The following KHDRBS2 variants were observed in gnomAD, a reference collection of about 807,000 sequenced individuals.
KHDRBS2 encodes KH domain-containing, RNA-binding, signal transduction-associated protein 2.
A neutral mutation model predicts 44.3 loss-of-function variants in KHDRBS2; 26 were observed. The ratio of observed to expected loss-of-function variants is 0.59; its 90% CI spans 0.43 to 0.81. KHDRBS2 has a LOEUF of 0.81. KHDRBS2 is among the 40% of genes least tolerant of loss of function. The probability of loss-of-function intolerance (pLI) is 0.00; values close to 1 mark genes in which losing one functional copy is unlikely to be tolerated. For missense variants in KHDRBS2, 476 were observed against 433.1 expected (o/e 1.10, Z -0.88); for synonymous variants, 194 against 151.1 (o/e 1.28, Z -2.08).
the KHDRBS2 span, among the ~76,000 whole-genome samples, chr6:61,597,753 TATATAC>T: frequency 0.011 from 584 of 54,058 alleles, 20 homozygotes; most frequent in Middle Eastern, 0.035. Context: ...TATATATATA[TATATAC>T]ATATATATAT....
intron 2 of KHDRBS2, among the ~76,000 whole-genome samples, chr6:62,168,849 T>C (rs1430167736): frequency 6.6e-6 from 1 of 151,602 alleles, no homozygotes; most frequent in Non-Finnish European, 1.5e-5. Context: ...CATTCACACA[T>C]GTACAGACAA....
At chr6:62,064,705 C>T (rs1304499266) in intron 2 of KHDRBS2, among the ~76,000 whole-genome samples, 1 of 152,002 alleles carries the variant, frequency 6.6e-6, no homozygotes, top group Non-Finnish European at 1.5e-5. Context: ...CATTACCATT[C>T]AGGTCACAGG....
intron 2 of KHDRBS2, among the ~76,000 whole-genome samples, chr6:62,067,473 C>T (rs937652035): frequency 1.3e-5 from 2 of 151,490 alleles, no homozygotes; most frequent in Non-Finnish European, 3.0e-5. Context: ...CTTCATTGTA[C>T]TGAGTGTACA....
intron 6 of KHDRBS2, among the ~76,000 whole-genome samples, chr6:61,823,392 T>C (rs1245417996): frequency 6.6e-6 from 1 of 152,082 alleles, no homozygotes; most frequent in Admixed American, 6.6e-5. Context: ...TTGCAGAATA[T>C]CATTGCTATT....
At chr6:61,936,526 T>A (rs947414025) in intron 4 of KHDRBS2, among the ~76,000 whole-genome samples, 23 of 152,006 alleles carry the variant, frequency 1.5e-4, no homozygotes, top group Non-Finnish European at 3.1e-4. Context: ...GATTTTTTTT[T>A]ATATTTGAAT....
chr6:61,580,812 T>C, the KHDRBS2 span, among the ~76,000 whole-genome samples: 1 of 152,056 alleles, frequency 6.6e-6, no homozygotes, highest in Non-Finnish European at 1.5e-5. Context: ...AGGAACAAAC[T>C]CTAGATGCAC....
intron 6 of KHDRBS2, among the ~76,000 whole-genome samples, chr6:61,888,924 C>T (rs966078573): frequency 6.4e-4 from 97 of 152,090 alleles, no homozygotes; most frequent in African/African-American, 2.3e-3. Flanking sequence ...TTTTATGAAC[C>T]TATATTCATA....
At chr6:61,973,161 C>G (rs920796204) in intron 4 of KHDRBS2, among the ~76,000 whole-genome samples, 2 of 152,030 alleles carry the variant, frequency 1.3e-5, no homozygotes, top group African/African-American at 4.8e-5. Context: ...ATAGACTGAT[C>G]AAATTTTCAC....
chr6:62,052,126 C>T (rs1201269290), intron 2 of KHDRBS2, among the ~76,000 whole-genome samples: 1 of 151,988 alleles, frequency 6.6e-6, no homozygotes, highest in East Asian at 1.9e-4. Flanking sequence ...CCAACAATCC[C>T]TCTCCTGGGC....
chr6:62,011,214 T>A (rs1330938187), intron 3 of KHDRBS2, among the ~76,000 whole-genome samples: 2 of 152,156 alleles, frequency 1.3e-5, no homozygotes, highest in Non-Finnish European at 2.9e-5. Flanking sequence ...AAGGAGCACC[T>A]AGAATTTGGA....
At chr6:62,007,539 C>G (rs751016912) in intron 3 of KHDRBS2, among the ~76,000 whole-genome samples, 3 of 151,958 alleles carry the variant, frequency 2.0e-5, no homozygotes, top group Non-Finnish European at 4.4e-5. Flanking sequence ...ATCATGCAAA[C>G]TTTAATCTGT....
intron 1 of KHDRBS2, among the ~76,000 whole-genome samples, chr6:62,252,080 A>C (rs1354344136): frequency 1.3e-5 from 2 of 151,856 alleles, no homozygotes; most frequent in African/African-American, 2.4e-5. Context: ...ATTTATGAGG[A>C]GAGGTATAAT....
At chr6:61,884,232 G>T (rs1054944056) in intron 6 of KHDRBS2, among the ~76,000 whole-genome samples, 1 of 152,052 alleles carries the variant, frequency 6.6e-6, no homozygotes, top group Non-Finnish European at 1.5e-5. Flanking sequence ...GGATAGGCTG[G>T]AATGCCGATA....
At chr6:61,795,144 C>CAAA (rs1166333660) in intron 6 of KHDRBS2, among the ~76,000 whole-genome samples, 17 of 59,660 alleles carry the variant, frequency 2.8e-4, no homozygotes, top group African/African-American at 8.0e-4. Flanking sequence ...GACTCCGTCT[C>CAAA]AAAAAAAAAA....
At chr6:62,274,619 C>A (rs948026968) in intron 1 of KHDRBS2, among the ~76,000 whole-genome samples, 22 of 152,056 alleles carry the variant, frequency 1.4e-4, no homozygotes, top group Non-Finnish European at 3.1e-4. Context: ...CAATTTACAG[C>A]TGCTTCATCA....
intron 1 of KHDRBS2, among the ~76,000 whole-genome samples, chr6:62,236,888 T>A (rs1231270598): frequency 1.3e-5 from 2 of 152,156 alleles, no homozygotes; most frequent in Non-Finnish European, 2.9e-5. Context: ...CCTCAATAAA[T>A]TCATCATTTG....
At chr6:61,612,945 T>C in the KHDRBS2 span, among the ~76,000 whole-genome samples, 16 of 139,694 alleles carry the variant, frequency 1.1e-4, no homozygotes, top group South Asian at 2.2e-3. Flanking sequence ...CTCCGCCTCC[T>C]GGGTTCACGC....
intron 1 of KHDRBS2, among the ~76,000 whole-genome samples, chr6:62,222,985 T>C (rs1309087242): frequency 6.6e-6 from 1 of 152,146 alleles, no homozygotes; most frequent in Non-Finnish European, 1.5e-5. Flanking sequence ...GGATCTACCA[T>C]TCTGGGGTCT....
chr6:61,899,980 AG>A (rs1803674940), intron 5 of KHDRBS2, among the ~76,000 whole-genome samples: 1 of 152,044 alleles, frequency 6.6e-6, no homozygotes, highest in African/African-American at 2.4e-5. Context: ...CCCATAAAAA[AG>A]TACAGTATTG....
Sources: gnomAD v4.1 joint callset for allele counts (sites outside exome capture counted in the v4.1 genomes callset) on GRCh38, gnomAD v4.1.1 for gene constraint, MANE v1.5 for transcripts, NCBI Gene and HGNC (gene_info 2026-07-23, HGNC 2026-07-21) for gene names.